The following TTC17 variants were observed in gnomAD, a reference collection of about 807,000 sequenced individuals.
TTC17 encodes tetratricopeptide repeat protein 17.
A neutral mutation model predicts 143.8 loss-of-function variants in TTC17; 58 were observed. That is an observed-to-expected ratio of 0.40 (90% CI 0.33 to 0.50). TTC17 has a LOEUF of 0.50. Among genes scored for constraint, TTC17 ranks in the 20% least tolerant of loss-of-function variants. TTC17 has a pLI of 0.49. For missense variants in TTC17, 1,273 were observed against 1,392.5 expected (o/e 0.91, Z 1.37); for synonymous variants, 501 against 497.8 (o/e 1.01, Z -0.09).
chr11:43,400,002 A>C lies in TTC17; in HGVS notation c.1173A>C (p.Leu391Phe). 1 of 1,614,052 alleles carries C rather than the reference A, an allele frequency of 6.2e-7. No homozygotes were observed. Among genetic ancestry groups the C allele is most frequent in the Non-Finnish European group, 8.5e-7 (1 of 1,179,942 alleles). Reference protein sequence around the residue: ...KHKLIQEEQILRNIIHETQMA... With the variant: ...KHKLIQEEQIFRNIIHETQMA... ...AACTGATTCAGGAGGAGCAAATCTT[A>C]AGAAATATCATTCATGAGACTCAGA... The change falls in exon 9 of 24, where the codon TTA becomes TTC. Residue 391 changes from leucine (L) to phenylalanine (F), a missense_variant. Leu to Phe is a conservative substitution (Grantham distance 22). Coordinates refer to ENST00000039989, the MANE Select transcript of TTC17 (RefSeq NM_018259.6).
Position 43,473,882 on chromosome 11 carries a change from C to CAA in TTC17, c.3031-16341_3031-16340dup, listed in dbSNP as rs781437584. ...TGGGCAACAGAATGAGACTCTGTCTCAAAAAAAAAAAAAAAAAGAAAGAAA... is the reference window on the plus strand; with the variant it reads ...TGGGCAACAGAATGAGACTCTGTCTCAAAAAAAAAAAAAAAAAAAGAAAGAAA... On this transcript the variant is annotated intron_variant, in intron 21 of 23. Transcript: ENST00000039989. 4.8e-3 allele frequency among the ~76,000 whole-genome samples: 293 copies of CAA among 60,624 alleles called. 3 individuals are homozygous for CAA. Among genetic ancestry groups the CAA allele is most frequent in the African/African-American group, 0.017 (274 of 16,410 alleles). The allele number at this position is 60,624 out of a possible 152,430, so 39.8% of individuals were successfully genotyped here.
chr11:43,478,542 C>T (rs1026309922), intron 21 of TTC17, among the ~76,000 whole-genome samples: 7 of 152,060 alleles, frequency 4.6e-5, no homozygotes, highest in Admixed American at 1.3e-4. Context: ...ACAACATGGC[C>T]ATGAGTTGAT....
At chr11:43,481,538 T>C (rs1948286955) in intron 21 of TTC17, among the ~76,000 whole-genome samples, 1 of 152,204 alleles carries the variant, frequency 6.6e-6, no homozygotes, top group Non-Finnish European at 1.5e-5. Flanking sequence ...TTTTTAATTA[T>C]AGCTCTAATA....
chr11:43,463,965 T>C (rs1947919958), intron 21 of TTC17, among the ~76,000 whole-genome samples: 1 of 152,218 alleles, frequency 6.6e-6, no homozygotes, highest in African/African-American at 2.4e-5. Context: ...TAATGCTAAA[T>C]AGGGGAAAAG....
intron 1 of TTC17, among the ~76,000 whole-genome samples, chr11:43,371,721 T>C (rs995470095): frequency 6.6e-6 from 1 of 152,196 alleles, no homozygotes; most frequent in African/African-American, 2.4e-5. Context: ...TCCAGGGACC[T>C]GCCCTGATCC....
At chr11:43,447,729 T>C in intron 18 of TTC17, 1 of 315,960 alleles carries the variant, frequency 3.2e-6, no homozygotes, top group Non-Finnish European at 5.8e-6. Context: ...GAAGAATGCC[T>C]TAACCCCTTA....
chr11:43,392,318 CAGAAAA>C (rs1302312995), intron 5 of TTC17, among the ~76,000 whole-genome samples: 6 of 151,988 alleles, frequency 3.9e-5, no homozygotes, highest in African/African-American at 1.5e-4. Flanking sequence ...TTTTCTGAGA[CAGAAAA>C]AGAATCACCA....
chr11:43,385,765 G>A (rs1305680106), intron 2 of TTC17: 2 of 146,882 alleles, frequency 1.4e-5, no homozygotes, highest in South Asian at 2.2e-4. Flanking sequence ...TATTCAACAC[G>A]AGTTAGAAAA....
chr11:43,418,742 A>C (rs1029018024), intron 16 of TTC17, among the ~76,000 whole-genome samples: 1 of 152,184 alleles, frequency 6.6e-6, no homozygotes, highest in Non-Finnish European at 1.5e-5. Context: ...AATGGAAAAT[A>C]ACTTTTAATA....
intron 17 of TTC17, 116 bp from the exon 18 acceptor site, chr11:43,443,940 C>G (rs994935055): frequency 2.5e-6 from 3 of 1,215,452 alleles, no homozygotes; most frequent in Admixed American, 5.1e-5. Context: ...GAATTAAACT[C>G]AAGGAGAGAA....
At chr11:43,457,835 A>G (rs1315224218) in intron 21 of TTC17, among the ~76,000 whole-genome samples, 4 of 152,058 alleles carry the variant, frequency 2.6e-5, no homozygotes, top group African/African-American at 9.7e-5. Flanking sequence ...CCAAAGATCT[A>G]ACATACATAT....
intron 21 of TTC17, among the ~76,000 whole-genome samples, chr11:43,482,291 T>A (rs1359548602): frequency 6.6e-6 from 1 of 151,716 alleles, no homozygotes; most frequent in East Asian, 1.9e-4. Context: ...TATAAGCTTG[T>A]ATTATTGACT....
At chr11:43,442,113 C>T (rs997000871) in intron 16 of TTC17, among the ~76,000 whole-genome samples, 1 of 152,148 alleles carries the variant, frequency 6.6e-6, no homozygotes, top group African/African-American at 2.4e-5. Flanking sequence ...TGTTTATGTA[C>T]TGCAATACCG....
intron 16 of TTC17, among the ~76,000 whole-genome samples, chr11:43,433,429 C>CT (rs1947206496): frequency 6.6e-6 from 1 of 152,146 alleles, no homozygotes; most frequent in Admixed American, 6.6e-5. Context: ...ACCTCTTACT[C>CT]TTTTTTTATT....
intron 16 of TTC17, among the ~76,000 whole-genome samples, chr11:43,426,539 A>G (rs188547913): frequency 6.6e-6 from 1 of 152,336 alleles, no homozygotes; most frequent in East Asian, 1.9e-4. Context: ...ACTGAGATCC[A>G]TCCACAAGTC....
chr11:43,360,895 C>T (rs146100828), intron 1 of TTC17, among the ~76,000 whole-genome samples: 1 of 152,062 alleles, frequency 6.6e-6, no homozygotes, highest in African/African-American at 2.4e-5. Context: ...AGCAAGATTT[C>T]TCTATTACAT....
chr11:43,451,297 T>C (rs550784001), intron 21 of TTC17, 32 bp downstream of exon 21: 19 of 1,594,568 alleles, frequency 1.2e-5, no homozygotes, highest in Non-Finnish European at 1.6e-5. Context: ...CTGGAAACAA[T>C]TGCCCTCCTT....
intron 16 of TTC17, chr11:43,436,447 T>G: frequency 9.8e-7 from 1 of 1,019,922 alleles, no homozygotes; most frequent in Non-Finnish European, 1.3e-6. Context: ...AATCATTATA[T>G]TGTAGCATCA....
At chr11:43,371,367 G>A (rs1291902486) in intron 1 of TTC17, among the ~76,000 whole-genome samples, 1 of 152,150 alleles carries the variant, frequency 6.6e-6, no homozygotes, top group South Asian at 2.1e-4. Context: ...TTCAAGTTGG[G>A]GCTCCCATAG....
Sources: gnomAD v4.1 joint callset for allele counts (sites outside exome capture counted in the v4.1 genomes callset) on GRCh38, gnomAD v4.1.1 for gene constraint, MANE v1.5 for transcripts, NCBI Gene and HGNC (gene_info 2026-07-23, HGNC 2026-07-21) for gene names.